The following PRRT1B variants were observed in gnomAD, a reference collection of about 807,000 sequenced individuals.
PRRT1B encodes the protein dispanin subfamily D member 2.
At chr9:131,557,464 G>A (rs1951057927) in intron 3 of PRRT1B, among the ~76,000 whole-genome samples, 1 of 152,234 alleles carries the variant, frequency 6.6e-6, no homozygotes, top group Non-Finnish European at 1.5e-5. Context: ...CTTGAATCCA[G>A]GAGGTGAAGG....
intron 2 of PRRT1B, among the ~76,000 whole-genome samples, chr9:131,555,746 T>G (rs1951044712): frequency 6.6e-6 from 1 of 151,874 alleles, no homozygotes; most frequent in Admixed American, 6.6e-5. Context: ...GGGGGAAAGA[T>G]TGGAGGCCCC....
At chr9:131,549,031 A>C (rs1275056033) in intron 1 of PRRT1B, among the ~76,000 whole-genome samples, 1 of 152,176 alleles carries the variant, frequency 6.6e-6, no homozygotes, top group East Asian at 1.9e-4. Flanking sequence ...CAACTGTGAG[A>C]TGCTTTACAG....
intron 1 of PRRT1B, among the ~76,000 whole-genome samples, chr9:131,550,975 C>T (rs1173179695): frequency 9.3e-6 from 1 of 107,178 alleles, no homozygotes; most frequent in Non-Finnish European, 1.7e-5. Flanking sequence ...CAGAGTCTCA[C>T]TGTGTTTCCC....
chr9:131,547,712 C>T (rs879845265), intron 1 of PRRT1B, among the ~76,000 whole-genome samples: 9 of 152,186 alleles, frequency 5.9e-5, no homozygotes, highest in African/African-American at 1.7e-4. Context: ...GATCCACCTA[C>T]GACCTCGGGT....
At chr9:131,547,282 G>A (rs547169608) in intron 1 of PRRT1B, among the ~76,000 whole-genome samples, 1 of 151,990 alleles carries the variant, frequency 6.6e-6, no homozygotes, top group African/African-American at 2.4e-5. Context: ...TCCAGATGGC[G>A]GGTTCCTGCC....
chr9:131,551,839 T>G lies in PRRT1B; in HGVS notation c.26-2718T>G, dbSNP rs200627809. 9.2e-5 allele frequency among the ~76,000 whole-genome samples: 14 copies of G among 151,818 alleles called. No homozygotes were observed. In the East Asian group the frequency reaches 2.1e-3, roughly 23 times the overall value. On this transcript the variant is annotated intron_variant, in intron 1 of 3. Transcript: ENST00000636672. The surrounding 1 kb of genome is among the most constrained non-coding windows in gnomAD (Gnocchi z 4.4). ...GCCCACCCCATCTCCCTTCGCTGACTCTCTTTTTGGACTCAGCCTGCCTGC... is the reference window on the plus strand; with the variant it reads ...GCCCACCCCATCTCCCTTCGCTGACGCTCTTTTTGGACTCAGCCTGCCTGC...
At chr9:131,554,780 G>A in exon 2 of PRRT1B, 1 of 332,270 alleles carries the variant, frequency 3.0e-6, no homozygotes, top group Non-Finnish European at 5.4e-6. Flanking sequence ...CGGCGGGCGA[G>A]GCCGGGCCGG....
chr9:131,556,255 G>A (rs185822378), intron 3 of PRRT1B, 42 bp downstream of exon 3: 9 of 400,492 alleles, frequency 2.2e-5, no homozygotes, highest in South Asian at 2.5e-4. Flanking sequence ...CTCCTAGCAC[G>A]CAGCCACTGG....
intron 1 of PRRT1B, among the ~76,000 whole-genome samples, chr9:131,553,456 G>T (rs541808406): frequency 6.6e-6 from 1 of 152,236 alleles, no homozygotes; most frequent in Admixed American, 6.5e-5. Context: ...TATAAACAGC[G>T]TGGCAGGTGT....
chr9:131,554,949 C>G (rs558690701), exon 2 of PRRT1B: 1 of 389,830 alleles, frequency 2.6e-6, no homozygotes, highest in African/African-American at 2.1e-5. Flanking sequence ...CTTCCCGCCG[C>G]CCGCCCAGCT....
chr9:131,555,651 G>C (rs1166205318), intron 2 of PRRT1B, among the ~76,000 whole-genome samples: 3 of 152,124 alleles, frequency 2.0e-5, no homozygotes, highest in Non-Finnish European at 4.4e-5. Context: ...ACTCCGGGCT[G>C]AGTGATAGAG....
At chr9:131,552,570 T>C (rs1349857943) in intron 1 of PRRT1B, among the ~76,000 whole-genome samples, 1 of 152,234 alleles carries the variant, frequency 6.6e-6, no homozygotes, top group African/African-American at 2.4e-5. Context: ...TGTTTCACCT[T>C]CTATGAGTGG....
At chr9:131,545,938 C>T (rs1014259122) in intron 1 of PRRT1B, among the ~76,000 whole-genome samples, 7 of 151,818 alleles carry the variant, frequency 4.6e-5, no homozygotes, top group Admixed American at 4.6e-4. Flanking sequence ...GGCTGTGGTG[C>T]CCCGGAGGCC....
At chr9:131,556,254 C>T (rs944273540) in intron 3 of PRRT1B, 41 bp downstream of exon 3, 5 of 400,564 alleles carry the variant, frequency 1.2e-5, no homozygotes, top group African/African-American at 6.2e-5. Context: ...TCTCCTAGCA[C>T]GCAGCCACTG....
chr9:131,552,677 G>A (rs549537504), intron 1 of PRRT1B, among the ~76,000 whole-genome samples: 2 of 141,506 alleles, frequency 1.4e-5, no homozygotes, highest in Middle Eastern at 3.6e-3. Context: ...AACCTCTAAG[G>A]TTTTTTTTTT....
chr9:131,550,539 G>A (rs1396515626), intron 1 of PRRT1B, among the ~76,000 whole-genome samples: 2 of 152,112 alleles, frequency 1.3e-5, no homozygotes, highest in Non-Finnish European at 2.9e-5. Context: ...CTCTCTCCCT[G>A]CTGATCGTGT....
At chr9:131,559,250 C>T (rs1263602010), downstream of PRRT1B, among the ~76,000 whole-genome samples, 1 of 152,208 alleles carries the variant, frequency 6.6e-6, no homozygotes, top group Non-Finnish European at 1.5e-5. Flanking sequence ...CAAGACCAAC[C>T]TGGCCAACAT....
At chr9:131,553,606 G>A (rs1951026360) in intron 1 of PRRT1B, among the ~76,000 whole-genome samples, 1 of 152,192 alleles carries the variant, frequency 6.6e-6, no homozygotes, top group Non-Finnish European at 1.5e-5. Flanking sequence ...ACTTCAGGAA[G>A]GGTCCTCCCA....
rs1951013051 is a variant in PRRT1B, at chr9:131,551,629, C to T, written c.26-2928C>T. Among the ~76,000 whole-genome samples the T allele has an allele frequency of 6.6e-6, 1 of 151,564 alleles. No individual in the cohort carries two copies. The highest frequency in any genetic ancestry group is 1.5e-5 in the Non-Finnish European group (1 of 67,566). The stretch of plus-strand genomic sequence containing the variant: ...TGCCTTAACTGATGACATTCCACCA[C>T]AAAAGAAGTGAAAATGGCCTGTTCC... On this transcript the variant is annotated intron_variant, in intron 1 of 3. Coordinates refer to ENST00000636672, the Ensembl canonical transcript of PRRT1B. This position sits in a 1 kb window ranked among gnomAD's most constrained non-coding sequence, Gnocchi z 4.4.
Sources: allele counts gnomAD v4.1 joint callset (sites outside exome capture counted in the v4.1 genomes callset), GRCh38; gene constraint gnomAD v4.1.1; non-coding constraint Gnocchi (gnomAD v3.1); transcripts MANE v1.5; gene names NCBI Gene and HGNC (gene_info 2026-07-23, HGNC 2026-07-21).